Variants in GLB1 observed in about 807,000 individuals in gnomAD.
GLB1 encodes the protein galactosidase beta 1.
GLB1 carries 56 observed loss-of-function variants against 74.0 expected under a neutral mutation model. The observed-to-expected ratio is 0.76, with a 90% CI of 0.61 to 0.94. The LOEUF is 0.94. Ranked by LOEUF, GLB1 falls within the 40% of genes least tolerant of loss-of-function variation. The pLI, the probability that GLB1 is intolerant of heterozygous loss-of-function variation, is 0.00. For synonymous variants in GLB1, 323 were observed against 323.6 expected, an observed-to-expected ratio of 1.00 and a Z score of 0.02; for missense variants, 787 against 845.5, an observed-to-expected ratio of 0.93 and a Z score of 0.86.
the GLB1 span, among the ~76,000 whole-genome samples, chr3:32,969,617 C>T: frequency 6.6e-6 from 1 of 152,200 alleles, no homozygotes; most frequent in Non-Finnish European, 1.5e-5. Flanking sequence ...TCCCAAGCTA[C>T]ACTCCAAATG....
chr3:33,095,290 G>A lies in GLB1; in HGVS notation c.75+1721C>T, dbSNP rs143300312. 9.7e-3 allele frequency among the ~76,000 whole-genome samples: 1,451 copies of A among 149,792 alleles called. 18 individuals carry two copies. The highest frequency in any genetic ancestry group is 0.03 in the African/African-American group (1,224 of 40,658). On this transcript the variant is annotated intron_variant, in intron 1 of 15. Coordinates refer to ENST00000307363, the MANE Select transcript of GLB1 (RefSeq NM_000404.4). ...AAAATTTAGTTAAAATTTGAGAACC[G>A]CTGGGTCACGAGGTCAGGAGATCGA...
intron 15 of GLB1, among the ~76,000 whole-genome samples, chr3:33,007,943 C>T (rs748204934): frequency 4.6e-5 from 7 of 152,172 alleles, no homozygotes; most frequent in Non-Finnish European, 8.8e-5. Context: ...TTCTGTACCT[C>T]GTACAAGTTA....
rs906909237 is a variant in GLB1 at position 33,014,446 on chromosome 3, A to G, written c.1480-136T>C. ...AGGAAATGAACCTCGAAATATGTGT[A>G]CATCGAAGTAACACAGATCTAACTG... On this transcript the variant is annotated intron_variant, in intron 14 of 15. Coordinates refer to ENST00000307363, the MANE Select transcript of GLB1 (RefSeq NM_000404.4). 4.5e-6 allele frequency: 6 copies of G among 1,321,532 alleles called. No individual in the cohort carries two copies. In the African/African-American group the frequency reaches 7.3e-5, roughly 16 times the overall value. The allele number at this position is 1,321,532 out of a possible 1,614,324, so 81.9% of individuals were successfully genotyped here. A position where few individuals can be genotyped will look rare whatever the true frequency, so the allele number is the denominator to read the frequency against.
At chr3:32,998,259 G>A (rs1441325848) in intron 15 of GLB1, among the ~76,000 whole-genome samples, 1 of 152,340 alleles carries the variant, frequency 6.6e-6, no homozygotes, top group African/African-American at 2.4e-5. Context: ...TGTAATCCCA[G>A]AACTTTGGGA....
chr3:33,068,217 T>C lies in GLB1; in HGVS notation c.457+13A>G. On this transcript the variant is annotated intron_variant, in intron 4 of 15. Coordinates refer to ENST00000307363, the MANE Select transcript of GLB1 (RefSeq NM_000404.4). Reference sequence around the variant, plus strand: ...CTTTTATAAATCTTCTCAAGACATCTGTAACAACCTACCTGGGTCGGAGGA... The same window carrying C: ...CTTTTATAAATCTTCTCAAGACATCCGTAACAACCTACCTGGGTCGGAGGA... 1 of 1,614,078 alleles carries C rather than the reference T, an allele frequency of 6.2e-7. No homozygotes were observed. Among genetic ancestry groups the C allele is most frequent in the Non-Finnish European group, 8.5e-7 (1 of 1,180,000 alleles).
At chr3:32,964,543 T>C in the GLB1 span, among the ~76,000 whole-genome samples, 1 of 152,188 alleles carries the variant, frequency 6.6e-6, no homozygotes, top group African/African-American at 2.4e-5. Flanking sequence ...GATCTTCCTG[T>C]TTTCCAAAAC....
chr3:33,052,497 T>G (rs1326592706), intron 7 of GLB1, among the ~76,000 whole-genome samples: 3 of 152,084 alleles, frequency 2.0e-5, no homozygotes, highest in African/African-American at 4.8e-5. Flanking sequence ...CTGGGCATCG[T>G]GGTGCGCCCC....
intron 1 of GLB1, chr3:33,076,959 C>G (rs1700131455): frequency 8.3e-6 from 7 of 839,506 alleles, no homozygotes; most frequent in Non-Finnish European, 1.1e-5. Context: ...CACAATGGCT[C>G]ATGCCTGTAA....
intron 4 of GLB1, among the ~76,000 whole-genome samples, chr3:33,066,290 A>G (rs575858310): frequency 6.6e-6 from 1 of 152,322 alleles, no homozygotes; most frequent in East Asian, 1.9e-4. Context: ...CAGCCCTCAT[A>G]AGTAGATCAA....
downstream of GLB1, among the ~76,000 whole-genome samples, chr3:32,995,430 C>T (rs1032945713): frequency 4.6e-5 from 7 of 152,070 alleles, 1 homozygote; most frequent in Middle Eastern, 6.8e-3. Context: ...CCTCCTTCGC[C>T]CTGTGATCTG....
intron 1 of GLB1, among the ~76,000 whole-genome samples, chr3:33,088,046 A>G (rs1024501050): frequency 6.6e-6 from 1 of 152,178 alleles, no homozygotes; most frequent in Non-Finnish European, 1.5e-5. Flanking sequence ...AAGCATGACA[A>G]GATTCAACAC....
chr3:32,962,948 AG>A, the GLB1 span, among the ~76,000 whole-genome samples: 1 of 152,130 alleles, frequency 6.6e-6, no homozygotes, highest in African/African-American at 2.4e-5. Flanking sequence ...CCGATTTAAA[AG>A]CTTACATAAG....
chr3:33,090,991 T>A, intron 1 of GLB1: 1 of 984,994 alleles, frequency 1.0e-6, no homozygotes. Context: ...GAGAAAGATG[T>A]AAAATCAAGA....
chr3:33,046,316 T>G, intron 9 of GLB1, 84 bp from the exon 10 acceptor site: 1 of 1,511,682 alleles, frequency 6.6e-7, no homozygotes, highest in Non-Finnish European at 9.1e-7. Context: ...CTCAGCACTG[T>G]AGAGAGAGAA....
intron 5 of GLB1, among the ~76,000 whole-genome samples, chr3:33,063,943 C>A (rs1244297260): frequency 1.3e-5 from 2 of 152,120 alleles, no homozygotes; most frequent in Admixed American, 6.5e-5. Context: ...GCAGCCCTCT[C>A]AGCACCTCTG....
intron 10 of GLB1, among the ~76,000 whole-genome samples, chr3:33,025,675 C>T (rs1241771630): frequency 7.0e-6 from 1 of 143,340 alleles, no homozygotes; most frequent in South Asian, 2.4e-4. Flanking sequence ...GGAAGGAGGT[C>T]GTGGGCCGTG....
the GLB1 span, among the ~76,000 whole-genome samples, chr3:32,970,801 C>G: frequency 6.6e-6 from 1 of 152,272 alleles, no homozygotes; most frequent in Non-Finnish European, 1.5e-5. Context: ...AACTGCCCTG[C>G]TCTGACCACA....
At chr3:33,006,948 C>T (rs1696812134) in intron 15 of GLB1, among the ~76,000 whole-genome samples, 1 of 152,150 alleles carries the variant, frequency 6.6e-6, no homozygotes, top group Admixed American at 6.5e-5. Context: ...CTGCCAGCTC[C>T]CTGCATTCAA....
At chr3:33,032,046 C>T (rs1043578267) in intron 10 of GLB1, among the ~76,000 whole-genome samples, 3 of 152,172 alleles carry the variant, frequency 2.0e-5, no homozygotes, top group Admixed American at 6.5e-5. Context: ...GATCCACCCA[C>T]CTCGGCCTCC....
Sources: gnomAD v4.1 joint callset for allele counts (sites outside exome capture counted in the v4.1 genomes callset) on GRCh38, gnomAD v4.1.1 for gene constraint, MANE v1.5 for transcripts, NCBI Gene and HGNC (gene_info 2026-07-23, HGNC 2026-07-21) for gene names.